The following GMDS variants were observed in gnomAD, a reference collection of about 807,000 sequenced individuals.
GMDS encodes the protein GDP-mannose 4,6 dehydratase.
A neutral mutation model predicts 49.9 loss-of-function variants in GMDS; 20 were observed. The observed-to-expected ratio is 0.40, with a 90% confidence interval of 0.28 to 0.58. The LOEUF (loss-of-function observed/expected upper bound fraction) is 0.58, where lower values mean the gene tolerates loss of function less well. GMDS is among the 20% of genes least tolerant of loss of function. GMDS has a pLI of 0.42. For missense variants in GMDS, 362 were observed against 481.4 expected (o/e 0.75, Z 2.32); for synonymous variants, 177 against 178.6 (o/e 0.99, Z 0.07).
At chr6:2,148,322 C>T (rs1053741629) in intron 1 of GMDS, among the ~76,000 whole-genome samples, 3 of 152,182 alleles carry the variant, frequency 2.0e-5, no homozygotes, top group African/African-American at 7.2e-5. Flanking sequence ...CATGCACCTC[C>T]AAGTCGTAAG....
At chr6:1,677,609 T>G (rs1406188103) in intron 9 of GMDS, among the ~76,000 whole-genome samples, 1 of 152,050 alleles carries the variant, frequency 6.6e-6, no homozygotes, top group Non-Finnish European at 1.5e-5. Flanking sequence ...TGGAATACTT[T>G]GCAGCCATAA....
intron 4 of GMDS, among the ~76,000 whole-genome samples, chr6:2,045,701 G>A (rs1012760755): frequency 1.1e-4 from 16 of 151,746 alleles, no homozygotes; most frequent in African/African-American, 3.9e-4. Context: ...CTTTCCTGGA[G>A]TAATCCTAAA....
chr6:1,900,008 C>T (rs1266750655), intron 7 of GMDS, among the ~76,000 whole-genome samples: 1 of 152,232 alleles, frequency 6.6e-6, no homozygotes, highest in Non-Finnish European at 1.5e-5. Flanking sequence ...CCACAGGGCA[C>T]CGTGTTGTTA....
At chr6:2,203,653 C>T (rs1033675374) in intron 1 of GMDS, among the ~76,000 whole-genome samples, 7 of 151,244 alleles carry the variant, frequency 4.6e-5, no homozygotes, top group South Asian at 2.1e-4. Context: ...CAGTGGTTAA[C>T]ACTACGAAAA....
intron 4 of GMDS, among the ~76,000 whole-genome samples, chr6:2,039,260 G>GA (rs772229726): frequency 1.6e-4 from 25 of 152,176 alleles, no homozygotes; most frequent in Non-Finnish European, 3.5e-4. Flanking sequence ...TGCAGGACTG[G>GA]AAGTTGCTCT....
Position 1,824,920 on chromosome 6 carries a change from T to A in GMDS, c.772-82334A>T, listed in dbSNP as rs137995844. Among the ~76,000 whole-genome samples the A allele has an allele frequency of 7.8e-3, 1,195 of 152,280 alleles. 7 individuals are homozygous for A. The highest frequency in any genetic ancestry group is 0.013 in the Non-Finnish European group (859 of 68,024). ...TGCCTCCCAAATATGATTTTAGAAG[T>A]CAGGGGCATGCACTATCATATTTAA... is the stretch of plus-strand genomic sequence containing the variant. On this transcript the variant is annotated intron_variant, in intron 7 of 10. Transcript: ENST00000380815.
rs949126919 is a variant in GMDS, at chr6:2,171,426, C to T, written c.103-46695G>A. 1.5e-4 allele frequency among the ~76,000 whole-genome samples: 23 copies of T among 152,182 alleles called. No homozygotes were observed. The East Asian group carries it at 1.9e-3, about 13-fold the overall frequency. ...CCTAGGAAGTCCAAGATCAACTACC[C>T]GAACAGACAAGCAAATGGCAAAAAT... On this transcript the variant is annotated intron_variant, in intron 1 of 10. Coordinates refer to ENST00000380815, the MANE Select transcript of GMDS (RefSeq NM_001500.4).
At chr6:1,719,797 C>A (rs1766309032) in intron 9 of GMDS, among the ~76,000 whole-genome samples, 1 of 152,146 alleles carries the variant, frequency 6.6e-6, no homozygotes, top group Non-Finnish European at 1.5e-5. Flanking sequence ...TTGAGCTCAA[C>A]AACTAATTGT....
chr6:2,226,637 GTGTT>G (rs1780823184), intron 1 of GMDS, among the ~76,000 whole-genome samples: 1 of 152,146 alleles, frequency 6.6e-6, no homozygotes, highest in South Asian at 2.1e-4. Context: ...ATTTTTTTAA[GTGTT>G]TGCATATAAC....
intron 9 of GMDS, among the ~76,000 whole-genome samples, chr6:1,720,422 A>T (rs1421637301): frequency 1.3e-5 from 2 of 152,216 alleles, no homozygotes; most frequent in Non-Finnish European, 2.9e-5. Context: ...CAATGTGATT[A>T]AGGAAGGATA....
intron 7 of GMDS, among the ~76,000 whole-genome samples, chr6:1,895,900 T>C (rs1330896511): frequency 6.6e-6 from 1 of 152,180 alleles, no homozygotes; most frequent in African/African-American, 2.4e-5. Context: ...CTCCTACTCC[T>C]TTCTTTCCCT....
At chr6:1,991,910 C>T (rs563083992) in intron 4 of GMDS, among the ~76,000 whole-genome samples, 48 of 152,242 alleles carry the variant, frequency 3.2e-4, no homozygotes, top group African/African-American at 1.2e-3. Flanking sequence ...AGGGAGATGT[C>T]GTGTGATGAT....
intron 9 of GMDS, among the ~76,000 whole-genome samples, chr6:1,651,677 G>T (rs1263373045): frequency 6.6e-6 from 1 of 152,180 alleles, no homozygotes; most frequent in Non-Finnish European, 1.5e-5. Context: ...TCACACAAAT[G>T]TGACTGTTCA....
At chr6:1,699,898 G>A (rs1343591727) in intron 9 of GMDS, among the ~76,000 whole-genome samples, 1 of 152,200 alleles carries the variant, frequency 6.6e-6, no homozygotes, top group African/African-American at 2.4e-5. Context: ...CACAGCTGAG[G>A]GGCACACACA....
chr6:1,804,931 C>T lies in GMDS; in HGVS notation c.772-62345G>A, dbSNP rs531962836. On this transcript the variant is annotated intron_variant, in intron 7 of 10. Transcript: ENST00000380815. Reference sequence around the variant, plus strand: ...AGGGCTTCAAAAGAATTAATGCCTTCGTTCGAGGAAAAACCTTGGTCTCTA... The same window carrying T: ...AGGGCTTCAAAAGAATTAATGCCTTTGTTCGAGGAAAAACCTTGGTCTCTA... Among the ~76,000 whole-genome samples the T allele has an allele frequency of 9.2e-5, 14 of 152,292 alleles. No homozygotes were observed. In the East Asian group the frequency reaches 2.3e-3, roughly 25 times the overall value.
At chr6:1,851,239 A>G (rs1323454730) in intron 7 of GMDS, among the ~76,000 whole-genome samples, 1 of 152,202 alleles carries the variant, frequency 6.6e-6, no homozygotes, top group African/African-American at 2.4e-5. Flanking sequence ...GTTTGTCCCA[A>G]ACAACGAGGG....
At chr6:2,128,164 A>G (rs924327720) in intron 1 of GMDS, among the ~76,000 whole-genome samples, 28 of 149,854 alleles carry the variant, frequency 1.9e-4, no homozygotes, top group African/African-American at 6.3e-4. Flanking sequence ...TTCAAGACAC[A>G]GAAATATTTT....
intron 4 of GMDS, among the ~76,000 whole-genome samples, chr6:2,035,680 A>ATATT (rs879518701): frequency 4.0e-5 from 6 of 151,788 alleles, no homozygotes; most frequent in South Asian, 4.2e-4. Flanking sequence ...TTATTTATTT[A>ATATT]TATTTATTTA....
At chr6:1,905,971 G>A (rs1760755741) in intron 7 of GMDS, among the ~76,000 whole-genome samples, 1 of 152,100 alleles carries the variant, frequency 6.6e-6, no homozygotes, top group African/African-American at 2.4e-5. Flanking sequence ...CATCTGACAT[G>A]CTCAAATGGA....
Sources: allele counts gnomAD v4.1 joint callset (sites outside exome capture counted in the v4.1 genomes callset), GRCh38; gene constraint gnomAD v4.1.1; transcripts MANE v1.5; gene names NCBI Gene and HGNC (gene_info 2026-07-23, HGNC 2026-07-21).